FIRRM: variants seen among roughly 807,000 people sequenced by gnomAD.
FIRRM encodes FIGNL1 interacting regulator of recombination and mitosis, also known as FIGNL1-interacting regulator of recombination and mitosis.
chr1:169,832,261 T>C, the FIRRM span, among the ~76,000 whole-genome samples: 1 of 152,252 alleles, frequency 6.6e-6, no homozygotes. Flanking sequence ...TTTAGATTCA[T>C]TGAAGATAAG....
At chr1:169,805,891 G>T in the FIRRM span, 1 of 653,888 alleles carries the variant, frequency 1.5e-6, no homozygotes. Flanking sequence ...GTTGTGTTAC[G>T]TATTTTAATT....
chr1:169,851,822 G>A, the FIRRM span: 7 of 1,613,854 alleles, frequency 4.3e-6, no homozygotes, highest in Admixed American at 1.2e-4. Flanking sequence ...GGCAGACTGG[G>A]TTTGTAGATG....
the FIRRM span, chr1:169,829,114 A>G: frequency 1.7e-6 from 1 of 591,972 alleles, no homozygotes; most frequent in African/African-American, 1.9e-5. Flanking sequence ...TTTTATGTGT[A>G]CATATTCACA....
chr1:169,798,189 GA>G, the FIRRM span, among the ~76,000 whole-genome samples: 2 of 152,150 alleles, frequency 1.3e-5, no homozygotes, highest in Non-Finnish European at 2.9e-5. Flanking sequence ...GCTGGTATGG[GA>G]GGATCACTTT....
the FIRRM span, chr1:169,794,725 C>T: frequency 1.2e-3 from 207 of 169,024 alleles, 1 homozygote; most frequent in Non-Finnish European, 1.4e-3. Context: ...TCACTTCCGG[C>T]TGCAGGTCCC....
At chr1:169,792,971 T>C in the FIRRM span, 5 of 1,614,034 alleles carry the variant, frequency 3.1e-6, no homozygotes, top group Non-Finnish European at 4.2e-6. Context: ...ATTTACATCA[T>C]TTTCTTCATC....
chr1:169,837,100 A>G, the FIRRM span: 6 of 1,581,410 alleles, frequency 3.8e-6, no homozygotes, highest in Admixed American at 8.0e-5. Flanking sequence ...CTTTGGGAGA[A>G]CTAGAATCTC....
chr1:169,806,739 G>A, the FIRRM span, among the ~76,000 whole-genome samples: 1 of 152,168 alleles, frequency 6.6e-6, no homozygotes, highest in Non-Finnish European at 1.5e-5. Flanking sequence ...GTGTTGCCTG[G>A]GAGCTGTATC....
the FIRRM span, among the ~76,000 whole-genome samples, chr1:169,844,748 C>G: frequency 6.6e-6 from 1 of 152,016 alleles, no homozygotes; most frequent in South Asian, 2.1e-4. Context: ...AGAAAAAATA[C>G]AATAATTTTG....
At chr1:169,826,463 A>G in the FIRRM span, among the ~76,000 whole-genome samples, 2 of 151,294 alleles carry the variant, frequency 1.3e-5, no homozygotes, top group African/African-American at 4.9e-5. Context: ...TCTGGTTTCA[A>G]GTGATTCTCC....
the FIRRM span, among the ~76,000 whole-genome samples, chr1:169,801,353 G>A: frequency 6.7e-6 from 1 of 149,552 alleles, no homozygotes; most frequent in East Asian, 2.0e-4. Context: ...ACTGAGACAG[G>A]AGAATTGCTT....
At chr1:169,808,505 A>G in the FIRRM span, among the ~76,000 whole-genome samples, 1 of 152,130 alleles carries the variant, frequency 6.6e-6, no homozygotes, top group Non-Finnish European at 1.5e-5. Context: ...ACTGTTATAC[A>G]TAGTACCTTT....
the FIRRM span, chr1:169,850,286 G>T: frequency 6.2e-7 from 1 of 1,611,996 alleles, no homozygotes. Flanking sequence ...TGAAGAGATA[G>T]TTCCACAGTG....
the FIRRM span, among the ~76,000 whole-genome samples, chr1:169,829,758 A>G: frequency 6.6e-6 from 1 of 152,198 alleles, no homozygotes; most frequent in Non-Finnish European, 1.5e-5. Context: ...GGTCTCTTAT[A>G]GATCTCAGAC....
At chr1:169,845,430 A>G in the FIRRM span, among the ~76,000 whole-genome samples, 7 of 152,220 alleles carry the variant, frequency 4.6e-5, no homozygotes, top group Middle Eastern at 3.2e-3. Context: ...GAAGTCTGCC[A>G]CATCAATTGA....
the FIRRM span, among the ~76,000 whole-genome samples, chr1:169,813,194 T>G: frequency 2.0e-5 from 3 of 152,254 alleles, no homozygotes; most frequent in Admixed American, 6.5e-5. Flanking sequence ...ACAACCAATA[T>G]TTATTGAGCT....
the FIRRM span, chr1:169,827,323 T>C: frequency 2.4e-6 from 2 of 842,076 alleles, no homozygotes; most frequent in African/African-American, 3.4e-5. Flanking sequence ...CTTTCTTTTC[T>C]TGAAACATAT....
At chr1:169,830,150 G>C in the FIRRM span, 1 of 881,080 alleles carries the variant, frequency 1.1e-6, no homozygotes, top group South Asian at 1.8e-5. Context: ...TTGAGGATCT[G>C]TTATTTGGAT....
chr1:169,821,683 A>G, the FIRRM span: 1 of 1,607,284 alleles, frequency 6.2e-7, no homozygotes, highest in Non-Finnish European at 8.5e-7. Context: ...GATCAGGATA[A>G]TGCTGACTAC....
Sources: gnomAD v4.1 joint callset for allele counts (sites outside exome capture counted in the v4.1 genomes callset) on GRCh38, gnomAD v4.1.1 for gene constraint, MANE v1.5 for transcripts, NCBI Gene and HGNC (gene_info 2026-07-23, HGNC 2026-07-21) for gene names.